Variants in KATNAL2 observed in about 807,000 individuals in gnomAD.
KATNAL2 encodes the protein katanin p60 ATPase-containing subunit A-like 2.
Under a neutral mutation model 76.3 loss-of-function variants are expected in KATNAL2, and 52 were observed. The observed-to-expected ratio is 0.68, with a 90% CI of 0.55 to 0.86. The LOEUF is 0.86. Ranked by LOEUF, KATNAL2 falls within the 40% of genes least tolerant of loss-of-function variation. The pLI is 0.00. For synonymous variants in KATNAL2, 243 were observed against 244.2 expected (o/e 1.00, Z 0.05); for missense variants, 660 against 668.9 (o/e 0.99, Z 0.15).
intron 3 of KATNAL2, among the ~76,000 whole-genome samples, chr18:46,961,392 T>C (rs1186720114): frequency 6.6e-6 from 1 of 152,242 alleles, no homozygotes; most frequent in African/African-American, 2.4e-5. Context: ...CATCAGTTTT[T>C]AAGTCTCTGT....
At chr18:46,954,326 CTTTTTTTT>C (rs57075892) in intron 3 of KATNAL2, among the ~76,000 whole-genome samples, 2 of 121,138 alleles carry the variant, frequency 1.7e-5, no homozygotes, top group South Asian at 5.2e-4. Context: ...TCTTCTTCGT[CTTTTTTTT>C]TTTTTTTTTT....
At position 47,101,355 on chromosome 18, in the gene KATNAL2, T is replaced by C. The variant is rs567718964; in HGVS notation, c.*350T>C. On this transcript the variant is annotated 3_prime_UTR_variant, in exon 18 of 18. Transcript: ENST00000683218. ...AAAAGATGTACTTAGAAAAGTTGTGTTGGCCACACACAGGATGACCCTGAG... is the reference window on the plus strand; with the variant it reads ...AAAAGATGTACTTAGAAAAGTTGTGCTGGCCACACACAGGATGACCCTGAG... The C allele has an allele frequency of 3.4e-5, 8 of 234,986 alleles. No individual in the cohort carries two copies. The highest frequency in any genetic ancestry group is 5.2e-5 in the Non-Finnish European group (6 of 116,096). 14.6% of individuals were successfully genotyped at this position (234,986 alleles called of 1,614,324 possible). A position where few individuals can be genotyped will look rare whatever the true frequency, so the allele number is the denominator to read the frequency against.
chr18:46,961,102 G>C (rs1440009320), intron 3 of KATNAL2, among the ~76,000 whole-genome samples: 2 of 152,244 alleles, frequency 1.3e-5, no homozygotes, highest in African/African-American at 4.8e-5. Context: ...CTCATACAAT[G>C]TCTGGAATTT....
chr18:46,945,255 G>T (rs2059353945), intron 1 of KATNAL2, among the ~76,000 whole-genome samples: 1 of 152,192 alleles, frequency 6.6e-6, no homozygotes, highest in Non-Finnish European at 1.5e-5. Context: ...AAAACAATGT[G>T]ATAAGTGCAG....
intron 10 of KATNAL2, among the ~76,000 whole-genome samples, 164 bp from the exon 11 acceptor site, chr18:47,066,857 A>ATT (rs1197346651): frequency 1.1e-4 from 6 of 56,508 alleles, no homozygotes; most frequent in Non-Finnish European, 1.9e-4. Flanking sequence ...TTATATATAT[A>ATT]TATATATATA....
chr18:46,941,180 C>T (rs2059236134), intron 1 of KATNAL2, among the ~76,000 whole-genome samples: 1 of 151,764 alleles, frequency 6.6e-6, no homozygotes, highest in African/African-American at 2.4e-5. Context: ...AAAAATTAGT[C>T]AGGTGAGATG....
intron 15 of KATNAL2, among the ~76,000 whole-genome samples, chr18:47,083,257 A>C (rs2062614515): frequency 6.6e-6 from 1 of 152,180 alleles, no homozygotes; most frequent in Non-Finnish European, 1.5e-5. Context: ...TTTAGCAAGA[A>C]TGTGGGAACA....
chr18:46,938,630 T>C (rs2059158193), intron 1 of KATNAL2, among the ~76,000 whole-genome samples: 1 of 152,184 alleles, frequency 6.6e-6, no homozygotes. Context: ...ATCTATCTTA[T>C]CTCCTTGCTT....
At chr18:47,074,866 C>T (rs1301583040) in intron 13 of KATNAL2, among the ~76,000 whole-genome samples, 1 of 152,190 alleles carries the variant, frequency 6.6e-6, no homozygotes, top group African/African-American at 2.4e-5. Context: ...AATAACCTCC[C>T]ATTGTTCCCA....
At chr18:47,056,560 G>A (rs2061477007) in intron 6 of KATNAL2, among the ~76,000 whole-genome samples, 1 of 152,188 alleles carries the variant, frequency 6.6e-6, no homozygotes, top group African/African-American at 2.4e-5. Context: ...ATTCCACAGG[G>A]TGCACCTAGG....
chr18:47,035,686 G>T (rs1429598036), intron 3 of KATNAL2: 2 of 292,598 alleles, frequency 6.8e-6, no homozygotes, highest in East Asian at 1.7e-4. Flanking sequence ...CAATCGGGAC[G>T]GTCCACGCCA....
intron 1 of KATNAL2, among the ~76,000 whole-genome samples, chr18:46,941,976 A>G (rs2059259033): frequency 6.6e-6 from 1 of 152,182 alleles, no homozygotes. Context: ...GTTACAGGGC[A>G]CAGGCTAAAC....
rs138395349 is a variant in KATNAL2 at position 46,943,402 on chromosome 18, C to T, written c.-509-2655C>T. ...TAGGAGGTCAGCACAAGATACAGAA[C>T]AAAGACCTTGCTGATAAAACAGGTT... On this transcript the variant is annotated intron_variant, in intron 1 of 17. Transcript: ENST00000683218. Among the ~76,000 whole-genome samples the T allele has an allele frequency of 1.9e-3, 292 of 152,270 alleles. 2 individuals carry two copies. The highest frequency in any genetic ancestry group is 6.2e-3 in the African/African-American group (256 of 41,570).
rs8086113 is a variant in KATNAL2 at position 47,068,230 on chromosome 18, G to A, written c.826-990G>A. Among the ~76,000 whole-genome samples the A allele has an allele frequency of 7.1e-3, 1,084 of 152,330 alleles. 11 individuals are homozygous for A. The highest frequency in any genetic ancestry group is 0.023 in the African/African-American group (954 of 41,588). ...TACAAATAATTTGTGACCATTTTCT[G>A]TAATCTCCTGCTGTTAGGATTATGA... On this transcript the variant is annotated intron_variant, in intron 11 of 17. Coordinates refer to ENST00000683218, the MANE Select transcript of KATNAL2 (RefSeq NM_001387690.1).
At chr18:46,961,884 A>G (rs1461977052) in intron 3 of KATNAL2, among the ~76,000 whole-genome samples, 10 of 152,214 alleles carry the variant, frequency 6.6e-5, no homozygotes, top group Admixed American at 5.2e-4. Context: ...CAACCGTATG[A>G]TATGATTGAG....
intron 3 of KATNAL2, among the ~76,000 whole-genome samples, chr18:46,955,140 C>CTCCCTTTCTTTCTTTCTT (rs1555834695): frequency 3.5e-5 from 3 of 85,020 alleles, no homozygotes; most frequent in African/African-American, 1.4e-4. Context: ...CTTTCTCTCT[C>CTCCCTTTCTTTCTTTCTT]TCTTTCTTTC....
At chr18:47,046,739 CCGTTGATGAGCCAAT>C (rs1438107493) in intron 4 of KATNAL2, among the ~76,000 whole-genome samples, 1 of 152,144 alleles carries the variant, frequency 6.6e-6, no homozygotes. Flanking sequence ...TTTATTACTA[CCGTTGATGAGCCAAT>C]ACATTATTAA....
intron 10 of KATNAL2, among the ~76,000 whole-genome samples, 170 bp from the exon 11 acceptor site, chr18:47,066,845 GTTTATA>G (rs1320531811): frequency 7.9e-5 from 2 of 25,408 alleles, no homozygotes; most frequent in Non-Finnish European, 1.7e-4. Context: ...GTATATATGT[GTTTATA>G]TATATATATA....
chr18:46,925,863 T>C (rs2058711724), intron 1 of KATNAL2, among the ~76,000 whole-genome samples: 1 of 152,224 alleles, frequency 6.6e-6, no homozygotes, highest in Admixed American at 6.5e-5. Context: ...TTTTCTAGTT[T>C]ATTTGCGTAG....
Sources: allele counts gnomAD v4.1 joint callset (sites outside exome capture counted in the v4.1 genomes callset), GRCh38; gene constraint gnomAD v4.1.1; transcripts MANE v1.5; gene names NCBI Gene and HGNC (gene_info 2026-07-23, HGNC 2026-07-21).